Variants in MGAT5 observed in about 807,000 individuals in gnomAD.
MGAT5 encodes alpha-1,6-mannosylglycoprotein 6-beta-N-acetylglucosaminyltransferase.
MGAT5 carries 30 observed loss-of-function variants against 94.3 expected under a neutral mutation model. The ratio of observed to expected loss-of-function variants is 0.32; its 90% CI spans 0.24 to 0.43. MGAT5 has a LOEUF of 0.43. Among genes scored for constraint, MGAT5 ranks in the 20% least tolerant of loss-of-function variants. The probability of loss-of-function intolerance (pLI) is 1.00; values close to 1 mark genes in which losing one functional copy is unlikely to be tolerated. For missense variants in MGAT5, 691 were observed against 905.5 expected (o/e 0.76, Z 3.04); for synonymous variants, 310 against 322.9 (o/e 0.96, Z 0.43).
At chr2:134,403,242 G>C (rs1329884449) in intron 11 of MGAT5, 105 bp downstream of exon 11, 9 of 1,224,820 alleles carry the variant, frequency 7.3e-6, no homozygotes, top group Non-Finnish European at 1.0e-5. Context: ...AAACTCTTGT[G>C]GCTATTTTGG....
chr2:134,421,016 T>C (rs955816203), intron 12 of MGAT5, among the ~76,000 whole-genome samples: 1 of 152,196 alleles, frequency 6.6e-6, no homozygotes, highest in African/African-American at 2.4e-5. Context: ...TACTTAAAAT[T>C]GACATTATGA....
chr2:134,359,318 G>A (rs1294714368), intron 9 of MGAT5, among the ~76,000 whole-genome samples: 1 of 152,234 alleles, frequency 6.6e-6, no homozygotes, highest in Non-Finnish European at 1.5e-5. Flanking sequence ...GTATTAGAGT[G>A]ACTTAAGGAG....
rs1172885200 is a variant in MGAT5 at position 134,209,158 on chromosome 2, T to A, written c.-142-45104T>A. On this transcript the variant is annotated intron_variant, in intron 1 of 16. Coordinates refer to the MGAT5 transcript ENST00000409645. ...ACTGGCTTATTTTTTTTTTATTTTT[T>A]TTTTTTTTTTTATTTTTTTTTTTAT... Among the ~76,000 whole-genome samples, 68 of 20,240 alleles carry A rather than the reference T, an allele frequency of 3.4e-3. 15 individuals are homozygous for A. The South Asian group carries it at 0.083, about 25-fold the overall frequency. 13.3% of individuals were successfully genotyped at this position (20,240 alleles called of 152,430 possible).
chr2:134,125,121 T>C (rs1305763397), intron 1 of MGAT5, among the ~76,000 whole-genome samples: 1 of 151,996 alleles, frequency 6.6e-6, no homozygotes. Context: ...CAAGAAAGGG[T>C]AGACAAGAAA....
At chr2:134,419,488 G>GTGTGTGTT (rs1684178477) in intron 12 of MGAT5, among the ~76,000 whole-genome samples, 1 of 146,892 alleles carries the variant, frequency 6.8e-6, no homozygotes, top group East Asian at 2.0e-4. Context: ...GTGTGTGTGT[G>GTGTGTGTT]TTTCCATAAA....
chr2:134,272,896 A>G lies in MGAT5; in HGVS notation c.406+2346A>G, dbSNP rs115945061. On this transcript the variant is annotated intron_variant, in intron 2 of 15. Coordinates refer to ENST00000281923, the MANE Select transcript of MGAT5 (RefSeq NM_002410.5). ...ATGCTACCATTTTCTTACCTAGAAG[A>G]GAGCTGCCAGTTTCCTAGATTTAAT... Among the ~76,000 whole-genome samples the G allele has an allele frequency of 7.1e-3, 1,087 of 152,334 alleles. 17 individuals are homozygous for G. The highest frequency in any genetic ancestry group is 0.025 in the African/African-American group (1,026 of 41,574).
chr2:134,151,049 C>T (rs1687143411), intron 1 of MGAT5, among the ~76,000 whole-genome samples: 1 of 152,234 alleles, frequency 6.6e-6, no homozygotes, highest in South Asian at 2.1e-4. Context: ...CTTCTCAGTC[C>T]CAGGTTTGGA....
chr2:134,338,481 C>G, intron 6 of MGAT5, 61 bp downstream of exon 6: 1 of 1,509,438 alleles, frequency 6.6e-7, no homozygotes, highest in Non-Finnish European at 8.9e-7. Flanking sequence ...TTTGATTTTG[C>G]TTGGAAACAA....
chr2:134,232,511 A>G (rs888440614), intron 1 of MGAT5, among the ~76,000 whole-genome samples: 3 of 152,234 alleles, frequency 2.0e-5, no homozygotes, highest in African/African-American at 7.2e-5. Flanking sequence ...GATGATACCC[A>G]ATAAGTAATG....
intron 1 of MGAT5, among the ~76,000 whole-genome samples, chr2:134,134,372 G>A (rs1686312080): frequency 6.6e-6 from 1 of 152,130 alleles, no homozygotes; most frequent in Non-Finnish European, 1.5e-5. Context: ...ATAGGGTCCA[G>A]GAGCCCCCTG....
chr2:134,338,085 C>T (rs1335305802), intron 5 of MGAT5, among the ~76,000 whole-genome samples, 174 bp from the exon 6 acceptor site: 2 of 152,142 alleles, frequency 1.3e-5, no homozygotes, highest in Non-Finnish European at 2.9e-5. Context: ...GCAGCCTTGG[C>T]TTCAGTTTGC....
chr2:134,441,939 G>A (rs1431985627), intron 15 of MGAT5, 24 bp downstream of exon 15: 2 of 1,607,882 alleles, frequency 1.2e-6, no homozygotes, highest in South Asian at 1.1e-5. Flanking sequence ...GGTGGGGGTG[G>A]GGACTCAGCC....
chr2:134,259,818 A>G (rs1306148099), intron 1 of MGAT5, among the ~76,000 whole-genome samples: 1 of 152,236 alleles, frequency 6.6e-6, no homozygotes, highest in Non-Finnish European at 1.5e-5. Context: ...CAGATGGACA[A>G]AGGCCCTGCT....
At chr2:134,385,051 A>G (rs1001545765) in intron 10 of MGAT5, among the ~76,000 whole-genome samples, 1 of 152,198 alleles carries the variant, frequency 6.6e-6, no homozygotes, top group Non-Finnish European at 1.5e-5. Flanking sequence ...CATGGTATAC[A>G]GTACTATACC....
chr2:134,336,188 G>A (rs1228060965), intron 4 of MGAT5, 29 bp from the exon 5 acceptor site: 1 of 1,577,172 alleles, frequency 6.3e-7, no homozygotes, highest in Non-Finnish European at 8.7e-7. Flanking sequence ...AGATGAAGCT[G>A]CATATTTAGT....
At chr2:134,339,862 A>G (rs970511885) in intron 6 of MGAT5, among the ~76,000 whole-genome samples, 4 of 152,204 alleles carry the variant, frequency 2.6e-5, no homozygotes, top group African/African-American at 9.6e-5. Flanking sequence ...TAAACTGTAC[A>G]CTTCTGATGG....
intron 2 of MGAT5, among the ~76,000 whole-genome samples, chr2:134,294,346 GC>G (rs1685547111): frequency 6.6e-6 from 1 of 152,046 alleles, no homozygotes; most frequent in South Asian, 2.1e-4. Context: ...TAACGTAGGG[GC>G]TTTTTGGAGC....
chr2:134,261,497 C>T (rs776102950), intron 1 of MGAT5, among the ~76,000 whole-genome samples: 21 of 152,122 alleles, frequency 1.4e-4, no homozygotes, highest in Non-Finnish European at 2.5e-4. Context: ...TCTGCATTTG[C>T]TCTCCCCCAC....
upstream of MGAT5, among the ~76,000 whole-genome samples, chr2:134,251,853 C>T (rs1160260760): frequency 3.3e-5 from 5 of 152,120 alleles, no homozygotes; most frequent in Non-Finnish European, 5.9e-5. Flanking sequence ...ACTTATTCCT[C>T]CTAAATGTAA....
Sources: gnomAD v4.1 joint callset for allele counts (sites outside exome capture counted in the v4.1 genomes callset) on GRCh38, gnomAD v4.1.1 for gene constraint, MANE v1.5 for transcripts, NCBI Gene and HGNC (gene_info 2026-07-23, HGNC 2026-07-21) for gene names.